Variants in RBM12 observed in about 807,000 individuals in gnomAD.
RBM12 encodes the protein RNA-binding protein 12.
In RBM12, 24 loss-of-function variants were observed where a neutral mutation model predicts 37.2. The observed-to-expected ratio is 0.65, with a 90% CI of 0.47 to 0.91. RBM12 has a LOEUF of 0.91. RBM12 is among the 40% of genes least tolerant of loss of function. RBM12 has a pLI of 0.00. For missense variants in RBM12, 1,061 were observed against 1,183.2 expected, an observed-to-expected ratio of 0.90 and a Z score of 1.52; for synonymous variants, 420 against 425.2, an observed-to-expected ratio of 0.99 and a Z score of 0.15.
Position 35,655,264 on chromosome 20 carries a change from C to T in RBM12, c.59G>A (p.Arg20His). The T allele has an allele frequency of 6.2e-7, 1 of 1,612,420 alleles. No homozygotes were observed. The highest frequency in any genetic ancestry group is 8.5e-7 in the Non-Finnish European group (1 of 1,179,950). The change falls in exon 3 of 3, where the codon CGC (arginine) becomes CAC (histidine). Residue 20 changes from arginine (R) to histidine (H), a missense_variant. Physicochemically the swap from Arg to His is conservative, Grantham distance 29 (BLOSUM62 0). Coordinates refer to ENST00000374114, the MANE Select transcript of RBM12 (RefSeq NM_006047.6). ...AATGGTCAATCCAGAGAAGAAGTGG[C>T]GAATGTCCATGGTCCCCGCCACAAT... ...LPIVAGTMDI[R>H]HFFSGLTIPD... is the part of the protein sequence containing the mutation.
At chr20:35,655,862 T>C (rs776137591) in intron 2 of RBM12, among the ~76,000 whole-genome samples, 3 of 152,198 alleles carry the variant, frequency 2.0e-5, no homozygotes, top group Non-Finnish European at 4.4e-5. Context: ...AAAACTAGAA[T>C]ACTAATGAAT....
Position 35,653,849 on chromosome 20 carries a change from T to C in RBM12, c.1474A>G (p.Lys492Glu). ...ADYKAALCRHKQYMGNRFIQV... is the reference protein window; with the variant it reads ...ADYKAALCRHEQYMGNRFIQV... Reference sequence around the variant, plus strand: ...ATAAAGCGATTGCCCATGTACTGTTTATGACGACACAGAGCAGCCTTATAG... The same window carrying C: ...ATAAAGCGATTGCCCATGTACTGTTCATGACGACACAGAGCAGCCTTATAG... Residue 492 changes from lysine (K) to glutamate (E), a missense_variant, in exon 3 of 3, where the codon AAA (lysine) becomes GAA (glutamate). Lys to Glu is a moderately conservative substitution (Grantham distance 56). Around this residue, in one of 3 missense-constraint regions of RBM12, gnomAD observed 540 missense variants for 632.7 expected, o/e 0.85. Transcript: ENST00000374114. 6.2e-7 allele frequency: 1 copy of C among 1,613,964 alleles called. No individual in the cohort carries two copies.
rs141628730 is a variant in RBM12, at chr20:35,660,359, G to A, written c.-107-1345C>T. Among the ~76,000 whole-genome samples the A allele has an allele frequency of 2.9e-3, 445 of 152,200 alleles. 1 individual carries two copies. The highest frequency in any genetic ancestry group is 0.01 in the African/African-American group (416 of 41,528). On this transcript the variant is annotated intron_variant, in intron 1 of 2. Coordinates refer to ENST00000374114, the MANE Select transcript of RBM12 (RefSeq NM_006047.6). ...TCTGGAGTAGCTGGGACTGACTACA[G>A]GCTTGCGCCACCACCCGCAGCTTAT...
rs2033821963 is a variant in RBM12 at position 35,655,150 on chromosome 20, A to T, written c.173T>A (p.Met58Lys). The change falls in exon 3 of 3, where the codon ATG becomes AAG. Residue 58 changes from methionine (M) to lysine (K), a missense_variant. By Grantham distance (95) the Met-to-Lys change is moderately conservative (BLOSUM62 -1). Transcript: ENST00000374114. Reference protein sequence around the residue: ...ATDEDARLGMMRTGGTIKGSK... With the variant: ...ATDEDARLGMKRTGGTIKGSK... ...CCCTTTAATTGTACCACCTGTGCGC[A>T]TCATACCAAGCCTTGCATCTTCATC... 1 of 1,614,084 alleles carries T rather than the reference A, an allele frequency of 6.2e-7. No individual in the cohort carries two copies. The highest frequency in any genetic ancestry group is 8.5e-7 in the Non-Finnish European group (1 of 1,180,052).
intron 2 of RBM12, among the ~76,000 whole-genome samples, chr20:35,657,252 C>T (rs1367870533): frequency 6.6e-6 from 1 of 152,214 alleles, no homozygotes; most frequent in East Asian, 1.9e-4. Flanking sequence ...AAACATCACA[C>T]CAACAGTCTC....
Position 35,653,712 on chromosome 20 carries a change from C to T in RBM12, c.1611G>A (p.Gly537=), listed in dbSNP as rs1386723804. ...DQREMILNPE[G]DVNSAKVCAH... ...CACAGACTTTGGCAGAGTTGACATC[C>T]CCCTCTGGATTTAGTATCATTTCCC... Residue 537 remains glycine, a synonymous_variant, in exon 3 of 3, where the codon GGG becomes GGA. Transcript: ENST00000374114. The T allele has an allele frequency of 6.2e-7, 1 of 1,614,014 alleles. No homozygotes were observed. The highest frequency in any genetic ancestry group is 8.5e-7 in the Non-Finnish European group (1 of 1,180,042).
intron 2 of RBM12, among the ~76,000 whole-genome samples, chr20:35,657,441 G>A (rs2033963981): frequency 6.6e-6 from 1 of 152,144 alleles, no homozygotes; most frequent in Non-Finnish European, 1.5e-5. Context: ...AACATCATGG[G>A]CAATCCAGGT....
chr20:35,659,138 CAAAA>C (rs370328377), intron 1 of RBM12, 124 bp from the exon 2 acceptor site: 761 of 270,580 alleles, frequency 2.8e-3, no homozygotes, highest in Middle Eastern at 4.7e-3. Flanking sequence ...GAATGCATAT[CAAAA>C]AAAAAAAAAA....
At chr20:35,662,780 C>G (rs1337991726) in intron 1 of RBM12, among the ~76,000 whole-genome samples, 1 of 152,168 alleles carries the variant, frequency 6.6e-6, no homozygotes, top group African/African-American at 2.4e-5. Context: ...CCCAAACTCT[C>G]AATACTCAAT....
intron 1 of RBM12, among the ~76,000 whole-genome samples, chr20:35,659,358 C>A (rs2034102895): frequency 6.6e-6 from 1 of 152,170 alleles, no homozygotes; most frequent in Non-Finnish European, 1.5e-5. Flanking sequence ...CCAGAAAACT[C>A]CGTAACACAA....
rs1841054893 is a variant in RBM12, at chr20:35,651,094, C to T, written c.*1430G>A. 2 of 152,134 alleles carry T rather than the reference C, an allele frequency of 1.3e-5. No individual in the cohort carries two copies. The highest frequency in any genetic ancestry group is 6.6e-5 in the Admixed American group (1 of 15,266). 9.4% of individuals were successfully genotyped at this position (152,134 alleles called of 1,614,324 possible). A position where few individuals can be genotyped will look rare whatever the true frequency, so the allele number is the denominator to read the frequency against. On this transcript the variant is annotated 3_prime_UTR_variant, in exon 3 of 3. Coordinates refer to ENST00000374114, the MANE Select transcript of RBM12 (RefSeq NM_006047.6). ...AAGTTTTTCATCACAAGGAAAGTAA[C>T]CATAATTAGAGCCTTTTATGACAGT...
At chr20:35,663,771 A>G (rs73104746) in intron 1 of RBM12, among the ~76,000 whole-genome samples, 5,206 of 152,322 alleles carry the variant, frequency 0.034, 126 homozygotes, top group Non-Finnish European at 0.049. Flanking sequence ...ACAACCTAGC[A>G]GCTAAGCCTG....
intron 2 of RBM12, 58 bp from the exon 3 acceptor site, chr20:35,655,402 T>C: frequency 2.1e-6 from 3 of 1,409,314 alleles, no homozygotes; most frequent in South Asian, 1.4e-5. Context: ...ACCAAGTTTT[T>C]AGCTACAAGA....
chr20:35,661,054 C>T (rs1246310709), intron 1 of RBM12, among the ~76,000 whole-genome samples: 1 of 152,172 alleles, frequency 6.6e-6, no homozygotes, highest in East Asian at 1.9e-4. Context: ...CAACTTAAAG[C>T]ACAAAATCAA....
rs2033660966 is a variant in RBM12, at chr20:35,653,251, C to G, written c.2072G>C (p.Gly691Ala). Residue 691 changes from glycine (G) to alanine (A), a missense_variant, in exon 3 of 3, where the codon GGA (glycine) becomes GCA (alanine). Transcript: ENST00000374114. ...AITSAGLPGA[G>A]MPSAGIPSAG... ...ACTAGGTATTCCTGCACTGGGCATTCCCGCACCAGGCAGTCCTGCACTGGT... is the reference window on the plus strand; with the variant it reads ...ACTAGGTATTCCTGCACTGGGCATTGCCGCACCAGGCAGTCCTGCACTGGT... 6.2e-7 allele frequency: 1 copy of G among 1,613,498 alleles called. No individual in the cohort carries two copies. Among genetic ancestry groups the G allele is most frequent in the Admixed American group, 1.7e-5 (1 of 59,996 alleles).
Position 35,649,824 on chromosome 20 carries a change from A to G in RBM12, c.*2700T>C, listed in dbSNP as rs1329179912. On this transcript the variant is annotated 3_prime_UTR_variant, in exon 3 of 3. Transcript: ENST00000374114. ...TAATGGAAAATATTCTCTTCCATTA[A>G]TGTCAGAGTCACCAAAAACAGACAA... 1 of 152,274 alleles carries G rather than the reference A, an allele frequency of 6.6e-6. No individual in the cohort carries two copies. The highest frequency in any genetic ancestry group is 1.5e-5 in the Non-Finnish European group (1 of 68,006). 9.4% of individuals were successfully genotyped at this position (152,274 alleles called of 1,614,324 possible). A position where few individuals can be genotyped will look rare whatever the true frequency, so the allele number is the denominator to read the frequency against.
rs1402579274 is a variant in RBM12, at chr20:35,649,826, G to A, written c.*2698C>T. 1 of 151,832 alleles carries A rather than the reference G, an allele frequency of 6.6e-6. No homozygotes were observed. The highest frequency in any genetic ancestry group is 2.1e-4 in the South Asian group (1 of 4,826). 9.4% of individuals were successfully genotyped at this position (151,832 alleles called of 1,614,324 possible). ...ATGGAAAATATTCTCTTCCATTAAT[G>A]TCAGAGTCACCAAAAACAGACAATA... On this transcript the variant is annotated 3_prime_UTR_variant, in exon 3 of 3. Transcript: ENST00000374114.
At position 35,654,562 on chromosome 20, in the gene RBM12, G is replaced by A. The variant is rs764477459; in HGVS notation, c.761C>T (p.Pro254Leu). ...MPPLNPPPVA[P>L]LPAGMNGSGA... ...AGAGCCATTCATTCCAGCAGGTAGA[G>A]GTGCCACAGGTGGCGGATTCAAGGG... The change falls in exon 3 of 3, where the codon CCT (proline) becomes CTT (leucine). Residue 254 changes from proline to leucine, a missense_variant. By Grantham distance (98) the Pro-to-Leu change is moderately conservative. Around this residue, in one of 3 missense-constraint regions of RBM12, gnomAD observed 540 missense variants for 632.7 expected, o/e 0.85. Transcript: ENST00000374114. The A allele has an allele frequency of 3.1e-6, 5 of 1,614,226 alleles. No homozygotes were observed. Among genetic ancestry groups the A allele is most frequent in the Non-Finnish European group, 1.7e-6 (2 of 1,180,048 alleles).
chr20:35,661,342 T>C (rs769870524), intron 1 of RBM12, among the ~76,000 whole-genome samples: 1 of 152,252 alleles, frequency 6.6e-6, no homozygotes, highest in Non-Finnish European at 1.5e-5. Flanking sequence ...AGCGACTGAA[T>C]GCAGGATTTC....
Sources: gnomAD v4.1 joint callset for allele counts (sites outside exome capture counted in the v4.1 genomes callset) on GRCh38, gnomAD v4.1.1 for gene constraint, gnomAD v4.1.1 regional missense constraint, MANE v1.5 for transcripts, NCBI Gene and HGNC (gene_info 2026-07-23, HGNC 2026-07-21) for gene names.